The following CRLF2 variants were observed in gnomAD, a reference collection of about 807,000 sequenced individuals.
The protein encoded by CRLF2 is cytokine receptor like factor 2, also known as cytokine receptor-like factor 2.
Under a neutral mutation model 38.7 loss-of-function variants are expected in CRLF2, and 41 were observed. The ratio of observed to expected loss-of-function variants is 1.06; its 90% CI spans 0.83 to 1.37. CRLF2 has a LOEUF of 1.37. Among genes scored for constraint, CRLF2 ranks in the 40% most tolerant of loss-of-function variants. The probability of loss-of-function intolerance (pLI) is 0.00; values close to 1 mark genes in which losing one functional copy is unlikely to be tolerated. For synonymous variants in CRLF2, 140 were observed against 128.8 expected, an observed-to-expected ratio of 1.09 and a Z score of -0.59; for missense variants, 377 against 322.2, an observed-to-expected ratio of 1.17 and a Z score of -1.30.
At chrX:1,199,126 G>C in intron 4 of CRLF2, 1 of 313,140 alleles carries the variant, frequency 3.2e-6, no homozygotes, top group South Asian at 2.9e-5. Flanking sequence ...TCCAGCCTGG[G>C]TGACAGAGCG....
intron 4 of CRLF2, among the ~76,000 whole-genome samples, chrX:1,201,331 T>A (rs2086601579): frequency 8.1e-6 from 1 of 123,316 alleles, no homozygotes; most frequent in African/African-American, 2.9e-5. Context: ...TGTGCCTGTG[T>A]TTGTGTGTCT....
intron 7 of CRLF2, among the ~76,000 whole-genome samples, chrX:1,192,211 A>AG (rs2086396232): frequency 1.4e-5 from 2 of 140,022 alleles, no homozygotes; most frequent in East Asian, 2.4e-4. Context: ...TCTCAAAAAA[A>AG]AAAAAAAAAC....
chrX:1,197,819 A>C (rs183326276), intron 5 of CRLF2, among the ~76,000 whole-genome samples: 4,602 of 151,608 alleles, frequency 0.03, 255 homozygotes, highest in African/African-American at 0.11. Context: ...CTCTAAAAAA[A>C]AATAAAAATA....
chrX:1,193,040 T>G (rs1239670107), intron 7 of CRLF2, among the ~76,000 whole-genome samples, 178 bp downstream of exon 7: 6 of 151,650 alleles, frequency 4.0e-5, no homozygotes, highest in Admixed American at 3.3e-4. Context: ...CTCGAACTCC[T>G]GACCTGAAGT....
At chrX:1,196,953 A>C (rs759869332) in intron 5 of CRLF2, 53 bp from the exon 6 acceptor site, 15 of 1,545,220 alleles carry the variant, frequency 9.7e-6, no homozygotes, top group Non-Finnish European at 1.2e-5. Context: ...GTGCGGCTGT[A>C]CGTTTTCAAC....
In CRLF2 at chrX:1,206,454, T is replaced by A; in HGVS notation, c.328A>T (p.Ser110Cys). ...RNGTHPVFTA[S>C]RWMVYYLKPS... is the part of the protein sequence containing the mutation. Reference sequence around the variant, plus strand: ...TTACGGTAATAAACCATCCAGCGACTTGCGGTGAAAACGGGGTGCGTCCCA... The same window carrying A: ...TTACGGTAATAAACCATCCAGCGACATGCGGTGAAAACGGGGTGCGTCCCA... Residue 110 changes from serine (S) to cysteine (C), a missense_variant, in exon 3 of 8, where the codon AGT (serine) becomes TGT (cysteine). By Grantham distance (112) the Ser-to-Cys change is moderately radical (BLOSUM62 -1). Coordinates refer to ENST00000400841, the MANE Select transcript of CRLF2 (RefSeq NM_022148.4). 6.2e-7 allele frequency: 1 copy of A among 1,613,500 alleles called. No individual in the cohort carries two copies. The highest frequency in any genetic ancestry group is 8.5e-7 in the Non-Finnish European group (1 of 1,179,628).
In CRLF2 at chrX:1,190,982, G is replaced by C; in HGVS notation, c.1031C>G (p.Pro344Arg). 1 of 398,736 alleles carries C rather than the reference G, an allele frequency of 2.5e-6. No individual in the cohort carries two copies. The highest frequency in any genetic ancestry group is 4.4e-6 in the Non-Finnish European group (1 of 226,148). 24.7% of individuals were successfully genotyped at this position (398,736 alleles called of 1,614,324 possible). ...KEASGGSLQL[P>R]HQPLQGGDVV... is the part of the protein sequence containing the mutation. The stretch of plus-strand genomic sequence containing the variant: ...ATCACCGCCTTGGAGGGGCTGGTGG[G>C]GAAGCTGGAGGGATCCCCCAGAGGC... The change falls in exon 8 of 8, where the codon CCC becomes CGC. Residue 344 changes from proline (P) to arginine (R), a missense_variant. Transcript: ENST00000400841.
chrX:1,196,718 G>A (rs1479040999), intron 6 of CRLF2, 62 bp downstream of exon 6: 45 of 1,574,786 alleles, frequency 2.9e-5, no homozygotes, highest in African/African-American at 4.1e-5. Context: ...ATCTTTTTTC[G>A]TACTTCACAG....
chrX:1,196,653 G>A, intron 6 of CRLF2, 127 bp downstream of exon 6: 1 of 1,194,102 alleles, frequency 8.4e-7, no homozygotes, highest in Non-Finnish European at 1.2e-6. Flanking sequence ...ACCATCAGAA[G>A]AGTGGGCATT....
intron 4 of CRLF2, among the ~76,000 whole-genome samples, chrX:1,200,657 G>GTA (rs1177652822): frequency 8.1e-5 from 7 of 86,726 alleles, no homozygotes; most frequent in African/African-American, 2.7e-4. Context: ...ATATGTGTGG[G>GTA]TATATATATG....
chrX:1,200,369 T>G (rs2086581057), intron 4 of CRLF2, among the ~76,000 whole-genome samples: 1 of 150,298 alleles, frequency 6.7e-6, no homozygotes, highest in South Asian at 2.1e-4. Flanking sequence ...TGTATAAATA[T>G]GTGTATATAA....
intron 5 of CRLF2, 70 bp downstream of exon 5, chrX:1,198,492 G>T: frequency 6.6e-7 from 1 of 1,520,540 alleles, no homozygotes; most frequent in Non-Finnish European, 9.0e-7. Flanking sequence ...CACCTCCCGG[G>T]AAGGCAGTGG....
At chrX:1,203,826 C>T (rs1297104049) in intron 3 of CRLF2, among the ~76,000 whole-genome samples, 2 of 152,068 alleles carry the variant, frequency 1.3e-5, no homozygotes, top group East Asian at 1.9e-4. Flanking sequence ...GCCCAGGAAA[C>T]GCACCCAGTA....
intron 2 of CRLF2, among the ~76,000 whole-genome samples, chrX:1,207,250 T>A (rs1193813052): frequency 2.7e-5 from 4 of 148,054 alleles, no homozygotes; most frequent in Non-Finnish European, 3.0e-5. Context: ...CCGGCCGTTT[T>A]TTTATTTGTT....
chrX:1,195,919 A>T (rs1365769173), intron 6 of CRLF2, among the ~76,000 whole-genome samples: 1 of 141,648 alleles, frequency 7.1e-6, no homozygotes, highest in Non-Finnish European at 1.5e-5. Flanking sequence ...ATATATTTTT[A>T]TATAGATTAC....
At chrX:1,192,366 G>C (rs1439973212) in intron 7 of CRLF2, among the ~76,000 whole-genome samples, 15 of 151,956 alleles carry the variant, frequency 9.9e-5, no homozygotes, top group Non-Finnish European at 2.1e-4. Context: ...GCTCACGCCT[G>C]TCATCCCAGC....
At chrX:1,207,190 C>T (rs1470633887) in intron 2 of CRLF2, among the ~76,000 whole-genome samples, 1 of 152,106 alleles carries the variant, frequency 6.6e-6, no homozygotes, top group Non-Finnish European at 1.5e-5. Flanking sequence ...AGGTGATCCA[C>T]CCGCCTCGGC....
intron 1 of CRLF2, among the ~76,000 whole-genome samples, chrX:1,211,216 C>T (rs777416471): frequency 1.7e-5 from 2 of 116,378 alleles, no homozygotes; most frequent in East Asian, 3.0e-4. Context: ...TAGATGGATA[C>T]GTAGATGTGT....
In CRLF2 at chrX:1,193,212, G is replaced by A. The variant is rs1449281801; in HGVS notation, c.852+6C>T. 8.4e-4 allele frequency: 333 copies of A among 398,502 alleles called. No homozygotes were observed. Among genetic ancestry groups the A allele is most frequent in the African/African-American group, 4.2e-3 (206 of 48,716 alleles). 24.7% of individuals were successfully genotyped at this position (398,502 alleles called of 1,614,324 possible). A position where few individuals can be genotyped will look rare whatever the true frequency, so the allele number is the denominator to read the frequency against. On this transcript the variant is annotated splice_donor_region_variant and intron_variant, in intron 7 of 7. Transcript: ENST00000400841. ...AGGAGAAGAGACACAAGGAGAGGGCGGATACCTGGAAGTTCCCTTGGTGTA... is the reference window on the plus strand; with the variant it reads ...AGGAGAAGAGACACAAGGAGAGGGCAGATACCTGGAAGTTCCCTTGGTGTA...
Sources: allele counts gnomAD v4.1 joint callset (sites outside exome capture counted in the v4.1 genomes callset), GRCh38; gene constraint gnomAD v4.1.1; transcripts MANE v1.5; gene names NCBI Gene and HGNC (gene_info 2026-07-23, HGNC 2026-07-21).